Variants in GIN1 observed in about 807,000 individuals in gnomAD.
GIN1 encodes the protein gypsy retrotransposon integrase-like protein 1.
In GIN1, 41 loss-of-function variants were observed where a neutral mutation model predicts 51.4. The ratio of observed to expected loss-of-function variants is 0.80; its 90% CI spans 0.62 to 1.04. The LOEUF (loss-of-function observed/expected upper bound fraction) is 1.04. Ranked by LOEUF, GIN1 falls within the 50% of genes least tolerant of loss-of-function variation. The probability of loss-of-function intolerance (pLI) is 0.00; values close to 1 mark genes in which losing one functional copy is unlikely to be tolerated. For missense variants in GIN1, 610 were observed against 612.4 expected, an observed-to-expected ratio of 1.00 and a Z score of 0.04; for synonymous variants, 222 against 206.5, an observed-to-expected ratio of 1.07 and a Z score of -0.64.
At chr5:103,097,209 G>T in intron 6 of GIN1, 105 bp downstream of exon 6, 2 of 687,118 alleles carry the variant, frequency 2.9e-6, no homozygotes, top group Non-Finnish European at 5.0e-6. Context: ...TGGCAAGTAA[G>T]TATGTGTGTG....
At chr5:103,112,192 A>C (rs1480673159) in intron 1 of GIN1, among the ~76,000 whole-genome samples, 3 of 152,082 alleles carry the variant, frequency 2.0e-5, no homozygotes, top group Non-Finnish European at 4.4e-5. Context: ...TGTTAGGGAG[A>C]GGGACATAAA....
intron 7 of GIN1, among the ~76,000 whole-genome samples, chr5:103,089,977 CA>C (rs1196815166): frequency 1.3e-5 from 2 of 149,910 alleles, no homozygotes; most frequent in Non-Finnish European, 3.0e-5. Flanking sequence ...TTCTGAAAGA[CA>C]AAAAAAAATA....
chr5:103,094,488 T>C (rs905368018), intron 7 of GIN1, among the ~76,000 whole-genome samples: 1 of 152,196 alleles, frequency 6.6e-6, no homozygotes, highest in Admixed American at 6.5e-5. Context: ...GCAAATATTA[T>C]ACTGCCTCTG....
chr5:103,097,760 A>G lies in GIN1; in HGVS notation c.661T>C (p.Leu221=). The G allele has an allele frequency of 9.7e-6, 15 of 1,544,942 alleles. No individual in the cohort carries two copies. Among genetic ancestry groups the G allele is most frequent in the Non-Finnish European group, 1.3e-5 (15 of 1,117,022 alleles). ...ATTACAATTTGCTTTATGCCAAACAATCTGTACAGTTCAATATTGATCTGA... is the reference window on the plus strand; with the variant it reads ...ATTACAATTTGCTTTATGCCAAACAGTCTGTACAGTTCAATATTGATCTGA... The part of the protein sequence containing the change: ...IQQINIELYR[L]FGIKQIVISH... The change falls in exon 5 of 8, where the codon TTG becomes CTG. Residue 221 remains leucine, a synonymous_variant. Coordinates refer to ENST00000399004, the MANE Select transcript of GIN1 (RefSeq NM_017676.2).
chr5:103,117,073 C>G (rs957473796), intron 1 of GIN1, among the ~76,000 whole-genome samples: 5 of 152,044 alleles, frequency 3.3e-5, no homozygotes, highest in African/African-American at 1.2e-4. Context: ...AATATGTACA[C>G]CTAAAAACCT....
intron 4 of GIN1, among the ~76,000 whole-genome samples, chr5:103,100,940 T>A (rs1004294748): frequency 3.3e-5 from 5 of 152,126 alleles, no homozygotes; most frequent in Admixed American, 3.3e-4. Context: ...ATAACTATAG[T>A]CTCCCTTTAC....
intron 3 of GIN1, among the ~76,000 whole-genome samples, chr5:103,106,333 A>G (rs1787724585): frequency 6.6e-6 from 1 of 152,118 alleles, no homozygotes; most frequent in African/African-American, 2.4e-5. Context: ...AAGAGCACAT[A>G]CTGGGCTTGA....
At position 103,087,119 on chromosome 5, in the gene GIN1, T is replaced by G. The variant is rs1384391539; in HGVS notation, c.*779A>C. The stretch of plus-strand genomic sequence containing the variant: ...TCCTGAGTAGCTGGGACCGCAGGCA[T>G]GTGCCACCACACCTGGCTAATTTTT... On this transcript the variant is annotated 3_prime_UTR_variant, in exon 8 of 8. Coordinates refer to ENST00000399004, the MANE Select transcript of GIN1 (RefSeq NM_017676.2). 5 of 152,230 alleles carry G rather than the reference T, an allele frequency of 3.3e-5. No individual in the cohort carries two copies. The highest frequency in any genetic ancestry group is 1.2e-4 in the African/African-American group (5 of 41,430). 9.4% of individuals were successfully genotyped at this position (152,230 alleles called of 1,614,324 possible). A position where few individuals can be genotyped will look rare whatever the true frequency, so the allele number is the denominator to read the frequency against.
At chr5:103,107,164 TCACCAAAGCACGTAATAAGTAC>T (rs1306833609) in intron 2 of GIN1, among the ~76,000 whole-genome samples, 1 of 152,036 alleles carries the variant, frequency 6.6e-6, no homozygotes, top group Non-Finnish European at 1.5e-5. Context: ...GCAAGCTTGT[TCACCAAAGCACGTAATAAGTAC>T]GGAAATATGA....
intron 4 of GIN1, among the ~76,000 whole-genome samples, chr5:103,101,307 T>C (rs1401772751): frequency 6.6e-6 from 1 of 152,176 alleles, no homozygotes; most frequent in African/African-American, 2.4e-5. Flanking sequence ...CACGTCCCAG[T>C]TGGACAGAGC....
At position 103,095,643 on chromosome 5, in the gene GIN1, C is replaced by T. The variant is rs543731679; in HGVS notation, c.1294+898G>A. 2.6e-5 allele frequency among the ~76,000 whole-genome samples: 4 copies of T among 152,334 alleles called. No individual in the cohort carries two copies. The East Asian group carries it at 7.7e-4, about 29-fold the overall frequency. Reference sequence around the variant, plus strand: ...GAAGTGACTAATACATTTGTAAGGCCAGGTGCAATGGCACATGCACGCAAT... The same window carrying T: ...GAAGTGACTAATACATTTGTAAGGCTAGGTGCAATGGCACATGCACGCAAT... On this transcript the variant is annotated intron_variant, in intron 7 of 7. Coordinates refer to ENST00000399004, the MANE Select transcript of GIN1 (RefSeq NM_017676.2).
chr5:103,116,165 C>T (rs1345328877), intron 1 of GIN1, among the ~76,000 whole-genome samples: 30 of 152,038 alleles, frequency 2.0e-4, no homozygotes, highest in Admixed American at 2.0e-3. Flanking sequence ...AGCTAAAGGA[C>T]TCAGAATAAT....
intron 4 of GIN1, among the ~76,000 whole-genome samples, chr5:103,100,564 AAT>A (rs1491368317): frequency 4.7e-5 from 7 of 150,458 alleles, no homozygotes; most frequent in Non-Finnish European, 8.9e-5. Context: ...GTTAATTAAA[AAT>A]TTTTTTTTTT....
At position 103,108,639 on chromosome 5, in the gene GIN1, T is replaced by A. The variant is rs961687650; in HGVS notation, c.69A>T (p.Glu23Asp). 22 of 1,604,284 alleles carry A rather than the reference T, an allele frequency of 1.4e-5. No individual in the cohort carries two copies. The highest frequency in any genetic ancestry group is 1.6e-4 in the Middle Eastern group (1 of 6,064). Residue 23 changes from glutamate (E) to aspartate (D), a missense_variant, in exon 2 of 8, where the codon GAA becomes GAT. Physicochemically the swap from Glu to Asp is conservative, Grantham distance 45 (BLOSUM62 2). Coordinates refer to ENST00000399004, the MANE Select transcript of GIN1 (RefSeq NM_017676.2). ...KQIAYYKRTG[E>D]YHSTTLPSER... ...CACTTGGCAGTGTAGTTGAATGATA[T>A]TCACCAGTTCGTTTGTAATATGCAA...
At position 103,088,146 on chromosome 5, in the gene GIN1, C is replaced by T. The variant is rs1384614693; in HGVS notation, c.1321G>A (p.Val441Ile). Reference sequence around the variant, plus strand: ...CCAATGTAGTCATGATCTGCCACTACTGAACCTTGCAAGAGATAAAGACTT... The same window carrying T: ...CCAATGTAGTCATGATCTGCCACTATTGAACCTTGCAAGAGATAAAGACTT... ...QESLYLLQGS[V>I]VADHDYIGLP... The change falls in exon 8 of 8, where the codon GTA becomes ATA. Residue 441 changes from valine (V) to isoleucine (I), a missense_variant. Coordinates refer to ENST00000399004, the MANE Select transcript of GIN1 (RefSeq NM_017676.2). 2 of 1,581,740 alleles carry T rather than the reference C, an allele frequency of 1.3e-6. No individual in the cohort carries two copies. Among genetic ancestry groups the T allele is most frequent in the Non-Finnish European group, 1.7e-6 (2 of 1,163,048 alleles).
intron 1 of GIN1, among the ~76,000 whole-genome samples, chr5:103,113,214 A>G (rs1181420782): frequency 6.6e-6 from 1 of 152,186 alleles, no homozygotes; most frequent in Non-Finnish European, 1.5e-5. Context: ...AACTCGAAAT[A>G]CATCTTTTGC....
chr5:103,113,814 G>A (rs184117623), intron 1 of GIN1, among the ~76,000 whole-genome samples: 219 of 152,214 alleles, frequency 1.4e-3, no homozygotes, highest in South Asian at 5.8e-3. Flanking sequence ...GAGCCACCGC[G>A]CCCAGCCCCA....
chr5:103,087,169 T>G lies in GIN1; in HGVS notation c.*729A>C, dbSNP rs1252998958. 6.6e-6 allele frequency: 1 copy of G among 152,180 alleles called. No individual in the cohort carries two copies. Among genetic ancestry groups the G allele is most frequent in the East Asian group, 1.9e-4 (1 of 5,194 alleles). The allele number at this position is 152,180 out of a possible 1,614,324, so 9.4% of individuals were successfully genotyped here. On this transcript the variant is annotated 3_prime_UTR_variant, in exon 8 of 8. Transcript: ENST00000399004. ...TAAACATTTTTCTGTAGAGATAGGGTCTCCCTGTGTTGCCCAGGCTGGTCT... is the reference window on the plus strand; with the variant it reads ...TAAACATTTTTCTGTAGAGATAGGGGCTCCCTGTGTTGCCCAGGCTGGTCT...
In GIN1 at chr5:103,108,650, G is replaced by A. The variant is rs782667794; in HGVS notation, c.58C>T (p.Arg20Ter). 6.2e-6 allele frequency: 10 copies of A among 1,602,246 alleles called. No homozygotes were observed. Among genetic ancestry groups the A allele is most frequent in the South Asian group, 3.3e-5 (3 of 90,386 alleles). The part of the protein sequence containing the change: ...LHLKQIAYYK[R>*]TGEYHSTTLP... ...GTAGTTGAATGATATTCACCAGTTC[G>A]TTTGTAATATGCAATCTGTTTAAGA... The change falls in exon 2 of 8, where the codon CGA becomes TGA. Residue 20 changes from arginine to a stop codon, truncating the protein, a stop_gained. Transcript: ENST00000399004. LOFTEE classifies it high-confidence loss of function.
Sources: gnomAD v4.1 joint callset for allele counts (sites outside exome capture counted in the v4.1 genomes callset) on GRCh38, gnomAD v4.1.1 for gene constraint, MANE v1.5 for transcripts, NCBI Gene and HGNC (gene_info 2026-07-23, HGNC 2026-07-21) for gene names.